MED13: variants seen among roughly 807,000 people sequenced by gnomAD.
The protein encoded by MED13 is mediator complex subunit 13, also known as mediator of RNA polymerase II transcription subunit 13.
MED13 carries 23 observed loss-of-function variants against 225.2 expected under a neutral mutation model. The observed-to-expected ratio is 0.10, with a 90% CI of 0.07 to 0.14. The LOEUF (loss-of-function observed/expected upper bound fraction) is 0.14. Among genes scored for constraint, MED13 ranks in the 10% least tolerant of loss-of-function variants. The pLI, the probability that MED13 is intolerant of heterozygous loss-of-function variation, is 1.00. For missense variants in MED13, 2,197 were observed against 2,594.5 expected, an observed-to-expected ratio of 0.85 and a Z score of 3.33; for synonymous variants, 942 against 889.2, an observed-to-expected ratio of 1.06 and a Z score of -1.06.
At chr17:62,048,043 C>CATATACAT (rs776069700) in intron 3 of MED13, among the ~76,000 whole-genome samples, 3,397 of 130,546 alleles carry the variant, frequency 0.026, 62 homozygotes, top group East Asian at 0.085. Flanking sequence ...TATACATATA[C>CATATACAT]ATATATATAT....
chr17:62,001,582 C>G (rs1251331257), intron 9 of MED13, among the ~76,000 whole-genome samples: 1 of 152,044 alleles, frequency 6.6e-6, no homozygotes, highest in South Asian at 2.1e-4. Flanking sequence ...TTCTATAGTC[C>G]TACGCTTTTC....
chr17:61,999,493 AATAG>A (rs1246156077), intron 9 of MED13, among the ~76,000 whole-genome samples: 2 of 152,260 alleles, frequency 1.3e-5, no homozygotes, highest in African/African-American at 2.4e-5. Flanking sequence ...ATCATTAACT[AATAG>A]ATAAACTAAA....
chr17:62,056,459 T>C (rs773564453), intron 2 of MED13, among the ~76,000 whole-genome samples: 2 of 152,190 alleles, frequency 1.3e-5, no homozygotes, highest in Admixed American at 6.5e-5. Flanking sequence ...CTGCTTAATC[T>C]ATATAACTAT....
chr17:62,050,199 A>T (rs1274223824), intron 3 of MED13, among the ~76,000 whole-genome samples: 1 of 151,814 alleles, frequency 6.6e-6, no homozygotes, highest in Non-Finnish European at 1.5e-5. Context: ...CTCTACTAAA[A>T]ACACAAAAAT....
chr17:61,958,540 T>C (rs2079969623), intron 23 of MED13, among the ~76,000 whole-genome samples: 2 of 152,094 alleles, frequency 1.3e-5, no homozygotes, highest in South Asian at 4.1e-4. Context: ...GGTTTCAGCA[T>C]GTTGGCCAGG....
intron 24 of MED13, 33 bp downstream of exon 24, chr17:61,956,306 G>C (rs762599744): frequency 1.3e-6 from 2 of 1,585,062 alleles, no homozygotes; most frequent in East Asian, 2.2e-5. Context: ...ACATAAAACG[G>C]AAATATAAAT....
chr17:61,982,924 G>C lies in MED13; in HGVS notation c.3079C>G (p.Pro1027Ala). 2 of 1,614,136 alleles carry C rather than the reference G, an allele frequency of 1.2e-6. No homozygotes were observed. Among genetic ancestry groups the C allele is most frequent in the African/African-American group, 1.3e-5 (1 of 75,036 alleles). ...TPRTPRGAGG[P>A]ASAQGSVKYE... The stretch of plus-strand genomic sequence containing the variant: ...TTGACTGAACCTTGAGCACTAGCAG[G>C]TCCACCAGCTCCACGAGGAGTCCGA... Residue 1027 changes from proline to alanine, a missense_variant, in exon 16 of 30, where the codon CCT becomes GCT. Coordinates refer to ENST00000397786, the MANE Select transcript of MED13 (RefSeq NM_005121.3).
chr17:62,041,221 T>C (rs943659257), intron 3 of MED13, among the ~76,000 whole-genome samples: 2 of 152,188 alleles, frequency 1.3e-5, no homozygotes, highest in African/African-American at 4.8e-5. Context: ...GGGAATTCTA[T>C]CACATGCTTC....
chr17:61,985,211 T>A, intron 12 of MED13, 121 bp from the exon 13 acceptor site: 1 of 739,318 alleles, frequency 1.4e-6, no homozygotes, highest in Non-Finnish European at 2.2e-6. Flanking sequence ...TTTGAATCTG[T>A]GATACAGCCA....
intron 4 of MED13, among the ~76,000 whole-genome samples, chr17:62,034,839 A>G (rs994574368): frequency 1.3e-5 from 2 of 152,014 alleles, no homozygotes; most frequent in Admixed American, 1.3e-4. Context: ...CTCTGGCCGG[A>G]CATGGTGGCT....
rs61326861 is a variant in MED13 at position 61,955,855 on chromosome 17, T to TA, written c.5624-18dup. On this transcript the variant is annotated splice_polypyrimidine_tract_variant and intron_variant, in intron 24 of 29. Coordinates refer to ENST00000397786, the MANE Select transcript of MED13 (RefSeq NM_005121.3). ...AGCTCCAATCTGTGGGTATCAACAG[T>TA]AAAAAAAAAAAAAAAAAAAAAAAAA... The TA allele has an allele frequency of 0.033, 26,512 of 813,964 alleles. 87 individuals carry two copies. The highest frequency in any genetic ancestry group is 0.054 in the African/African-American group (1,257 of 23,122). 50.4% of individuals were successfully genotyped at this position (813,964 alleles called of 1,614,324 possible).
chr17:61,976,258 G>C (rs950094923), intron 16 of MED13, among the ~76,000 whole-genome samples: 1 of 152,164 alleles, frequency 6.6e-6, no homozygotes, highest in African/African-American at 2.4e-5. Flanking sequence ...CTATAGCATA[G>C]ATGAACCTTG....
At chr17:61,990,511 A>C (rs970368925) in intron 11 of MED13, among the ~76,000 whole-genome samples, 1 of 151,724 alleles carries the variant, frequency 6.6e-6, no homozygotes, top group African/African-American at 2.4e-5. Flanking sequence ...GTTGTGACAC[A>C]GAATATGAGT....
At chr17:62,008,504 C>A (rs923355274) in intron 9 of MED13, among the ~76,000 whole-genome samples, 1 of 151,848 alleles carries the variant, frequency 6.6e-6, no homozygotes, top group Non-Finnish European at 1.5e-5. Flanking sequence ...CTCATTATTA[C>A]ACATTTCTTC....
intron 2 of MED13, among the ~76,000 whole-genome samples, chr17:62,061,281 G>A (rs1346629237): frequency 1.3e-5 from 2 of 152,030 alleles, no homozygotes; most frequent in Admixed American, 1.3e-4. Flanking sequence ...CACTTTGGGA[G>A]GTTAAGATGG....
At chr17:62,042,187 C>T (rs1254164295) in intron 3 of MED13, among the ~76,000 whole-genome samples, 2 of 152,116 alleles carry the variant, frequency 1.3e-5, no homozygotes, top group African/African-American at 4.8e-5. Flanking sequence ...TACTAAAATC[C>T]AGAAGTTAAC....
intron 10 of MED13, 33 bp from the exon 11 acceptor site, chr17:61,992,654 A>T (rs1567964573): frequency 6.9e-7 from 1 of 1,454,728 alleles, no homozygotes; most frequent in Non-Finnish European, 9.6e-7. Context: ...AGGCTGAAAT[A>T]TATAATTTAC....
At position 61,965,422 on chromosome 17, in the gene MED13, C is replaced by G. The variant is rs1214697306; in HGVS notation, c.4428G>C (p.Gln1476His). The G allele has an allele frequency of 6.2e-7, 1 of 1,613,948 alleles. No homozygotes were observed. The highest frequency in any genetic ancestry group is 1.3e-5 in the African/African-American group (1 of 74,904). Reference sequence around the variant, plus strand: ...GACTTGTAGGGGCAACTAAATTTGGCTGGGAAAGTAGAGAGCTGTCCAATG... The same window carrying G: ...GACTTGTAGGGGCAACTAAATTTGGGTGGGAAAGTAGAGAGCTGTCCAATG... Reference protein sequence around the residue: ...SLPLDSSLLSQPNLVAPTSQS... With the variant: ...SLPLDSSLLSHPNLVAPTSQS... The change falls in exon 20 of 30, where the codon CAG (glutamine) becomes CAC (histidine). Residue 1476 changes from glutamine to histidine, a missense_variant. Transcript: ENST00000397786.
At position 61,984,373 on chromosome 17, in the gene MED13, A is replaced by G. The variant is rs2080230547; in HGVS notation, c.2692-6T>C. 6.5e-7 allele frequency: 1 copy of G among 1,540,962 alleles called. No homozygotes were observed. Among genetic ancestry groups the G allele is most frequent in the African/African-American group, 1.4e-5 (1 of 71,564 alleles). Reference sequence around the variant, plus strand: ...TTATAGACATAAGAAAAATCCTACAATATAAAGATGGTAGGTTTTCAGTAT... The same window carrying G: ...TTATAGACATAAGAAAAATCCTACAGTATAAAGATGGTAGGTTTTCAGTAT... On this transcript the variant is annotated splice_region_variant and splice_polypyrimidine_tract_variant and intron_variant, in intron 14 of 29. Transcript: ENST00000397786.
Sources: allele counts gnomAD v4.1 joint callset (sites outside exome capture counted in the v4.1 genomes callset), GRCh38; gene constraint gnomAD v4.1.1; transcripts MANE v1.5; gene names NCBI Gene and HGNC (gene_info 2026-07-23, HGNC 2026-07-21).